The following PXDNL variants were observed in gnomAD, a reference collection of about 807,000 sequenced individuals.
PXDNL encodes the protein probable oxidoreductase PXDNL.
PXDNL carries 145 observed loss-of-function variants against 150.8 expected under a neutral mutation model. The ratio of observed to expected loss-of-function variants is 0.96; its 90% CI spans 0.84 to 1.10. PXDNL has a LOEUF of 1.10. PXDNL is among the 50% of genes least tolerant of loss of function. The pLI, the probability that PXDNL is intolerant of heterozygous loss-of-function variation, is 0.00. For missense variants in PXDNL, 2,087 were observed against 1,873.9 expected (o/e 1.11, Z -2.10); for synonymous variants, 757 against 725.7 (o/e 1.04, Z -0.69).
At chr8:51,508,359 T>C (rs1811335168) in intron 4 of PXDNL, among the ~76,000 whole-genome samples, 3 of 152,248 alleles carry the variant, frequency 2.0e-5, no homozygotes, top group Admixed American at 6.5e-5. Flanking sequence ...GGCTATGTCA[T>C]GCAGGACAAG....
chr8:51,718,402 A>C (rs1816659950), intron 1 of PXDNL, among the ~76,000 whole-genome samples: 2 of 152,196 alleles, frequency 1.3e-5, no homozygotes, highest in African/African-American at 4.8e-5. Flanking sequence ...ACTGGAGGTT[A>C]GGTGAAAAAA....
At chr8:51,372,318 A>C (rs766207132) in intron 18 of PXDNL, among the ~76,000 whole-genome samples, 4 of 152,216 alleles carry the variant, frequency 2.6e-5, no homozygotes, top group Non-Finnish European at 5.9e-5. Context: ...GATTCAAAGG[A>C]AAGTTTTCTA....
chr8:51,413,180 A>AT lies in PXDNL; in HGVS notation c.1873dup (p.Ile625AsnfsTer2). On this transcript the variant is annotated frameshift_variant, in exon 15 of 23. Transcript: ENST00000356297. LOFTEE classifies it high-confidence loss of function. ...AAACAAATGTCTTCGTGTGGAGTTAATTGCACTGTCAACTCTCTGTACAGC... is the reference window on the plus strand; with the variant it reads ...AAACAAATGTCTTCGTGTGGAGTTAATTTGCACTGTCAACTCTCTGTACAGC... 6.2e-7 allele frequency: 1 copy of AT among 1,608,806 alleles called. No homozygotes were observed. Among genetic ancestry groups the AT allele is most frequent in the East Asian group, 2.2e-5 (1 of 44,826 alleles).
At position 51,336,102 on chromosome 8, in the gene PXDNL, A is replaced by G; in HGVS notation, c.4146+3522T>C. Among the ~76,000 whole-genome samples the G allele has an allele frequency of 1.3e-5, 2 of 152,172 alleles. 1 individual carries two copies. The highest frequency in any genetic ancestry group is 1.3e-4 in the Admixed American group (2 of 15,288). On this transcript the variant is annotated intron_variant, in intron 21 of 22. Transcript: ENST00000356297. ...TAAGAAATCTTTAGCTGAAGTTTGG[A>G]ATCCCCTCACATCTAAAGGATGAGT...
At chr8:51,407,135 G>A (rs1282509801) in intron 17 of PXDNL, among the ~76,000 whole-genome samples, 2 of 152,140 alleles carry the variant, frequency 1.3e-5, no homozygotes, top group East Asian at 1.9e-4. Context: ...CCAGGTCTTC[G>A]TGAATCCAAA....
rs111355338 is a variant in PXDNL, at chr8:51,599,679, C to T, written c.237-6981G>A. 5.7e-3 allele frequency among the ~76,000 whole-genome samples: 693 copies of T among 121,456 alleles called. 6 individuals are homozygous for T. The highest frequency in any genetic ancestry group is 0.019 in the African/African-American group (654 of 34,020). 79.7% of individuals were successfully genotyped at this position (121,456 alleles called of 152,430 possible). ...AAATTATATCTTATATAAATGATAT[C>T]ATTTATATAATAAATTATATCTTAT... On this transcript the variant is annotated intron_variant, in intron 2 of 22. Coordinates refer to ENST00000356297, the MANE Select transcript of PXDNL (RefSeq NM_144651.5).
intron 1 of PXDNL, among the ~76,000 whole-genome samples, chr8:51,681,971 G>A (rs1273908519): frequency 6.6e-6 from 1 of 151,974 alleles, no homozygotes; most frequent in African/African-American, 2.4e-5. Flanking sequence ...ACTAGTATAC[G>A]CTCATTGTAA....
At chr8:51,563,434 C>T (rs1005748505) in intron 3 of PXDNL, among the ~76,000 whole-genome samples, 13 of 152,028 alleles carry the variant, frequency 8.6e-5, no homozygotes, top group Middle Eastern at 3.4e-3. Flanking sequence ...TCACCTAAAC[C>T]CAATTACCTG....
At chr8:51,643,935 A>G (rs1279004074) in intron 2 of PXDNL, among the ~76,000 whole-genome samples, 2 of 152,068 alleles carry the variant, frequency 1.3e-5, no homozygotes, top group Non-Finnish European at 2.9e-5. Context: ...AGACACGTGA[A>G]AAAATGCTCA....
intron 5 of PXDNL, among the ~76,000 whole-genome samples, chr8:51,489,540 A>T (rs1158209579): frequency 6.6e-6 from 1 of 152,000 alleles, no homozygotes; most frequent in African/African-American, 2.4e-5. Flanking sequence ...CTAGTCTGGA[A>T]CTCCTGGGCT....
intron 1 of PXDNL, among the ~76,000 whole-genome samples, chr8:51,716,608 G>T (rs1315088522): frequency 6.6e-6 from 1 of 152,220 alleles, no homozygotes; most frequent in East Asian, 1.9e-4. Flanking sequence ...GGATAATAGT[G>T]TAAGAGCTCC....
At chr8:51,365,577 G>A (rs1163376082) in intron 19 of PXDNL, among the ~76,000 whole-genome samples, 1 of 152,114 alleles carries the variant, frequency 6.6e-6, no homozygotes, top group Non-Finnish European at 1.5e-5. Flanking sequence ...CTGCTGCGTT[G>A]TATTCTCTCA....
intron 19 of PXDNL, among the ~76,000 whole-genome samples, chr8:51,356,369 A>G (rs1199911049): frequency 2.0e-5 from 3 of 152,004 alleles, no homozygotes; most frequent in African/African-American, 4.8e-5. Flanking sequence ...GGTGCCTGTA[A>G]TCTCAGCTAC....
Position 51,394,431 on chromosome 8 carries a change from A to G in PXDNL, c.3557+13636T>C, listed in dbSNP as rs151273441. Among the ~76,000 whole-genome samples the G allele has an allele frequency of 2.0e-5, 3 of 152,334 alleles. No homozygotes were observed. In the East Asian group the frequency reaches 5.8e-4, roughly 29 times the overall value. On this transcript the variant is annotated intron_variant, in intron 17 of 22. Coordinates refer to ENST00000356297, the MANE Select transcript of PXDNL (RefSeq NM_144651.5). ...GAGAAAATTATAACTCTGAAGAGGA[A>G]CAGTATCATTCCTAAGTCCTGAGAC...
intron 1 of PXDNL, among the ~76,000 whole-genome samples, chr8:51,658,918 T>C (rs2130808444): frequency 6.6e-6 from 1 of 152,330 alleles, no homozygotes; most frequent in African/African-American, 2.4e-5. Context: ...ATTTTGGTTG[T>C]TTCCAAATTT....
intron 17 of PXDNL, among the ~76,000 whole-genome samples, chr8:51,404,132 G>C (rs1171666362): frequency 2.6e-5 from 4 of 152,184 alleles, no homozygotes; most frequent in African/African-American, 4.8e-5. Context: ...CATACCCTTG[G>C]GGTGAGTGTT....
chr8:51,425,406 T>A (rs1200344201), intron 13 of PXDNL, among the ~76,000 whole-genome samples: 1 of 152,198 alleles, frequency 6.6e-6, no homozygotes, highest in Admixed American at 6.5e-5. Flanking sequence ...GCTGATGTGA[T>A]TACATAATGA....
Position 51,423,510 on chromosome 8 carries a change from G to T in PXDNL, c.1795+65C>A. Reference sequence around the variant, plus strand: ...ATGATTAGTGAGATCAGTCAAATAGGATTGGGGTAGAAGCTGTTCAAAGAC... The same window carrying T: ...ATGATTAGTGAGATCAGTCAAATAGTATTGGGGTAGAAGCTGTTCAAAGAC... On this transcript the variant is annotated intron_variant, in intron 14 of 22. Transcript: ENST00000356297. The T allele has an allele frequency of 2.9e-6, 4 of 1,390,090 alleles. No homozygotes were observed. The East Asian group carries it at 7.1e-5, about 25-fold the overall frequency. 86.1% of individuals were successfully genotyped at this position (1,390,090 alleles called of 1,614,324 possible).
chr8:51,624,293 GC>G (rs1814321373), intron 2 of PXDNL, among the ~76,000 whole-genome samples: 1 of 151,918 alleles, frequency 6.6e-6, no homozygotes, highest in African/African-American at 2.4e-5. Context: ...ACCAGGCCTT[GC>G]CAGGAGTAAT....
Sources: gnomAD v4.1 joint callset for allele counts (sites outside exome capture counted in the v4.1 genomes callset) on GRCh38, gnomAD v4.1.1 for gene constraint, MANE v1.5 for transcripts, NCBI Gene and HGNC (gene_info 2026-07-23, HGNC 2026-07-21) for gene names.